CELF2: variants seen among roughly 807,000 people sequenced by gnomAD.
The protein encoded by CELF2 is CUGBP Elav-like family member 2.
A neutral mutation model predicts 62.6 loss-of-function variants in CELF2; 8 were observed. That is an observed-to-expected ratio of 0.13 (90% CI 0.07 to 0.23). The LOEUF is 0.23. CELF2 is among the 10% of genes least tolerant of loss of function. The pLI is 1.00. For synonymous variants in CELF2, 258 were observed against 250.0 expected (o/e 1.03, Z -0.30); for missense variants, 333 against 671.0 (o/e 0.50, Z 5.56).
chr10:10,624,145 G>T, the CELF2 span, among the ~76,000 whole-genome samples: 1 of 152,218 alleles, frequency 6.6e-6, no homozygotes, highest in Non-Finnish European at 1.5e-5. Context: ...TCCCAAGGGT[G>T]ACAAACAGAT....
At chr10:10,718,040 G>A in the CELF2 span, among the ~76,000 whole-genome samples, 4,430 of 152,112 alleles carry the variant, frequency 0.029, 181 homozygotes, top group Admixed American at 0.088. Context: ...ATATAACTTC[G>A]TCTTTGGTGT....
chr10:10,714,752 T>A, the CELF2 span, among the ~76,000 whole-genome samples: 2 of 152,196 alleles, frequency 1.3e-5, no homozygotes, highest in Non-Finnish European at 2.9e-5. Flanking sequence ...TTTAAATGCA[T>A]CTTTTGGCAT....
chr10:10,570,757 A>AAGCATG, the CELF2 span, among the ~76,000 whole-genome samples: 1 of 152,198 alleles, frequency 6.6e-6, no homozygotes, highest in African/African-American at 2.4e-5. Context: ...ACAACGTTAA[A>AAGCATG]AGCATGAATG....
rs113764100 is a variant in CELF2 at position 11,157,997 on chromosome 10, G to T, written c.75-7489G>T. 2.0e-4 allele frequency among the ~76,000 whole-genome samples: 30 copies of T among 152,342 alleles called. No homozygotes were observed. Among genetic ancestry groups the T allele is most frequent in the African/African-American group, 7.0e-4 (29 of 41,578 alleles). Reference sequence around the variant, plus strand: ...TAATCATTTGTTGTTGGACTGTGGAGGCAGTGGGGGACATTGTGTTAAAAA... The same window carrying T: ...TAATCATTTGTTGTTGGACTGTGGATGCAGTGGGGGACATTGTGTTAAAAA... On this transcript the variant is annotated intron_variant, in intron 1 of 12. Coordinates refer to ENST00000633077, the MANE Select transcript of CELF2 (RefSeq NM_001326342.2). This position sits in a 1 kb window ranked among gnomAD's most constrained non-coding sequence, Gnocchi z 4.9.
chr10:10,966,158 C>T (rs1292576618), intron 2 of CELF2, among the ~76,000 whole-genome samples: 1 of 152,164 alleles, frequency 6.6e-6, no homozygotes, highest in South Asian at 2.1e-4. Context: ...TTTGAGTTTC[C>T]TTTGCATGTC....
At chr10:10,789,940 C>A in the CELF2 span, among the ~76,000 whole-genome samples, 156 of 151,984 alleles carry the variant, frequency 1.0e-3, no homozygotes, top group African/African-American at 3.5e-3. Flanking sequence ...ATTTTAATTG[C>A]ATTTTATTTA....
chr10:10,681,206 A>G, the CELF2 span, among the ~76,000 whole-genome samples: 6 of 152,290 alleles, frequency 3.9e-5, no homozygotes, highest in East Asian at 9.7e-4. Flanking sequence ...ATTCATGTTT[A>G]TATCCCTCAT....
the CELF2 span, among the ~76,000 whole-genome samples, chr10:10,517,068 G>A: frequency 6.6e-6 from 1 of 152,138 alleles, no homozygotes; most frequent in Admixed American, 6.5e-5. Context: ...TGAATTTATT[G>A]AATTTTTCCC....
chr10:10,584,289 A>T, the CELF2 span, among the ~76,000 whole-genome samples: 19 of 152,360 alleles, frequency 1.2e-4, no homozygotes, highest in South Asian at 3.9e-3. Flanking sequence ...ACTCCAGCAC[A>T]GCTACATAGT....
chr10:10,656,621 A>G, the CELF2 span, among the ~76,000 whole-genome samples: 2 of 128,312 alleles, frequency 1.6e-5, no homozygotes, highest in Non-Finnish European at 3.4e-5. Context: ...TATCGCAAGA[A>G]CAAAAAACCA....
At chr10:10,718,644 A>G in the CELF2 span, among the ~76,000 whole-genome samples, 1 of 134,326 alleles carries the variant, frequency 7.4e-6, no homozygotes, top group South Asian at 2.5e-4. Flanking sequence ...AAAAAAAAAA[A>G]GTTTGGCTGA....
Position 11,297,747 on chromosome 10 carries a change from T to A in CELF2, c.976+9195T>A, listed in dbSNP as rs1590961293. On this transcript the variant is annotated intron_variant, in intron 9 of 12. Coordinates refer to ENST00000633077, the MANE Select transcript of CELF2 (RefSeq NM_001326342.2). This position sits in a 1 kb window ranked among gnomAD's most constrained non-coding sequence, Gnocchi z 4.4. ...GCACTTTGGGAGGCTGAGGCAGGAG[T>A]TCCTTGAGGAACTCCCTGAGGCCAG... Among the ~76,000 whole-genome samples the A allele has an allele frequency of 6.6e-6, 1 of 150,988 alleles. No homozygotes were observed. The highest frequency in any genetic ancestry group is 6.6e-5 in the Admixed American group (1 of 15,194).
chr10:10,761,143 A>G, the CELF2 span, among the ~76,000 whole-genome samples: 1 of 152,218 alleles, frequency 6.6e-6, no homozygotes, highest in African/African-American at 2.4e-5. Context: ...AGCAGAAATT[A>G]AAAGAAGTTG....
chr10:11,004,422 C>CACGT (rs1554766745), upstream of CELF2, among the ~76,000 whole-genome samples: 1 of 148,492 alleles, frequency 6.7e-6, no homozygotes, highest in African/African-American at 2.5e-5. The surrounding 1 kb of genome is among the most constrained non-coding windows in gnomAD (Gnocchi z 5.0). Flanking sequence ...TGTGCGCGCG[C>CACGT]GTGTGTGTGT....
chr10:11,054,906 G>T (rs2064879042), intron 1 of CELF2, among the ~76,000 whole-genome samples: 1 of 152,154 alleles, frequency 6.6e-6, no homozygotes, highest in Non-Finnish European at 1.5e-5. Flanking sequence ...GTACAGATGG[G>T]GTTTCACTAT....
intron 3 of CELF2, among the ~76,000 whole-genome samples, chr10:11,248,046 A>G (rs2076141529): frequency 6.6e-6 from 1 of 152,170 alleles, no homozygotes; most frequent in African/African-American, 2.4e-5. Context: ...TAAAACCCAG[A>G]GCTGTGGCTT....
the CELF2 span, among the ~76,000 whole-genome samples, chr10:10,678,522 A>T: frequency 1.3e-5 from 2 of 152,202 alleles, no homozygotes; most frequent in East Asian, 3.9e-4. Flanking sequence ...GACCATCTGC[A>T]GGGCTGATCT....
chr10:10,801,208 A>G (rs2054630162), intron 1 of CELF2, among the ~76,000 whole-genome samples: 1 of 152,216 alleles, frequency 6.6e-6, no homozygotes, highest in African/African-American at 2.4e-5. Flanking sequence ...ACATTTTTAC[A>G]TTGACTCCTT....
At chr10:10,661,456 T>A in the CELF2 span, among the ~76,000 whole-genome samples, 4 of 152,350 alleles carry the variant, frequency 2.6e-5, no homozygotes, top group East Asian at 7.7e-4. Context: ...CTTGTATGAA[T>A]AAAGGTGCTA....
Sources: gnomAD v4.1 joint callset for allele counts (sites outside exome capture counted in the v4.1 genomes callset) on GRCh38, gnomAD v4.1.1 for gene constraint, Gnocchi (gnomAD v3.1) non-coding constraint, MANE v1.5 for transcripts, NCBI Gene and HGNC (gene_info 2026-07-23, HGNC 2026-07-21) for gene names.